The following LY6G5C variants were observed in gnomAD, a reference collection of about 807,000 sequenced individuals.
LY6G5C encodes lymphocyte antigen 6 family member G5C.
LY6G5C carries 6 observed loss-of-function variants against 10.5 expected under a neutral mutation model. That is an observed-to-expected ratio of 0.57 (90% CI 0.31 to 1.12). The LOEUF is 1.12. Among genes scored for constraint, LY6G5C ranks in the 50% most tolerant of loss-of-function variants. LY6G5C has a pLI of 0.05. For synonymous variants in LY6G5C, 69 were observed against 67.8 expected, an observed-to-expected ratio of 1.02 and a Z score of -0.09; for missense variants, 160 against 185.5, an observed-to-expected ratio of 0.86 and a Z score of 0.80.
In LY6G5C at chr6:31,679,091, G is replaced by A. The variant is rs771032043; in HGVS notation, c.289+10C>T. On this transcript the variant is annotated intron_variant, in intron 2 of 2. Coordinates refer to ENST00000383237, the Ensembl canonical transcript of LY6G5C. The surrounding 1 kb of genome is among the most constrained non-coding windows in gnomAD (Gnocchi z 4.4). ...GAGTGCTGGGCCCATGACAGGAGAA[G>A]GCCACTTACTGTTCTTTTTGTGGAG... is the stretch of plus-strand genomic sequence containing the variant. The A allele has an allele frequency of 1.3e-5, 21 of 1,612,876 alleles. No homozygotes were observed. Among genetic ancestry groups the A allele is most frequent in the Non-Finnish European group, 1.8e-5 (21 of 1,179,918 alleles).
chr6:31,677,010 A>G (rs1312366414), exon 3 of LY6G5C: 1 of 1,613,050 alleles, frequency 6.2e-7, no homozygotes, highest in Non-Finnish European at 8.5e-7. Context: ...TCCAGGAAGC[A>G]GTATTGAGAG....
upstream of LY6G5C, among the ~76,000 whole-genome samples, chr6:31,680,552 C>T (rs1253357463): frequency 6.6e-6 from 1 of 152,148 alleles, no homozygotes; most frequent in Non-Finnish European, 1.5e-5. This position sits in a 1 kb window ranked among gnomAD's most constrained non-coding sequence, Gnocchi z 4.5. Flanking sequence ...AGGGGACCAG[C>T]AATAGGGGAA....
exon 3 of LY6G5C, chr6:31,676,827 G>A (rs1160128842): frequency 8.5e-6 from 7 of 826,732 alleles, no homozygotes; most frequent in Non-Finnish European, 1.2e-5. Context: ...GCCAAGGCTG[G>A]GGTCCAGTGG....
Position 31,679,896 on chromosome 6 carries a change from A to C in LY6G5C, c.121+357T>G, listed in dbSNP as rs1313258773. On this transcript the variant is annotated intron_variant, in intron 1 of 2. Transcript: ENST00000383237. The surrounding 1 kb of genome is among the most constrained non-coding windows in gnomAD (Gnocchi z 4.4). ...ACCCCGTCTCTACTAAATATACAAA[A>C]ATTAGCTGGGCTTGGTGGCTTATGC... 9.5e-6 allele frequency: 2 copies of C among 209,808 alleles called. No individual in the cohort carries two copies. Among genetic ancestry groups the C allele is most frequent in the African/African-American group, 4.7e-5 (2 of 42,666 alleles). 13.0% of individuals were successfully genotyped at this position (209,808 alleles called of 1,614,324 possible).
At chr6:31,677,189 A>G in intron 2 of LY6G5C, 69 bp from the exon 3 acceptor site, 2 of 1,460,832 alleles carry the variant, frequency 1.4e-6, no homozygotes, top group Non-Finnish European at 1.9e-6. Flanking sequence ...TCTCATCCCC[A>G]CACTCATAAG....
rs552285546 is a variant in LY6G5C, at chr6:31,679,410, T to C, written c.122-142A>G. 4.2e-5 allele frequency: 36 copies of C among 855,360 alleles called. No individual in the cohort carries two copies. The South Asian group carries it at 5.5e-4, about 13-fold the overall frequency. The allele number at this position is 855,360 out of a possible 1,614,324, so 53.0% of individuals were successfully genotyped here. A position where few individuals can be genotyped will look rare whatever the true frequency, so the allele number is the denominator to read the frequency against. ...ATCAAAGCCCCAATTCTCTGCTTCC[T>C]TCCCCAACTGCATACACATACATCC... On this transcript the variant is annotated intron_variant, in intron 1 of 2. Transcript: ENST00000383237. The surrounding 1 kb of genome is among the most constrained non-coding windows in gnomAD (Gnocchi z 4.4).
chr6:31,676,858 C>T, exon 3 of LY6G5C: 3 of 1,189,836 alleles, frequency 2.5e-6, no homozygotes, highest in Non-Finnish European at 3.6e-6. Context: ...GCAAGGAGGG[C>T]TGGTATGAGG....
intron 2 of LY6G5C, among the ~76,000 whole-genome samples, chr6:31,677,512 A>C (rs1802647133): frequency 6.6e-6 from 1 of 152,194 alleles, no homozygotes; most frequent in Non-Finnish European, 1.5e-5. Flanking sequence ...AATAGAGAAA[A>C]ATCTTTGTGC....
Position 31,679,148 on chromosome 6 carries a change from C to T in LY6G5C, c.242G>A (p.Cys81Tyr). Residue 81 changes from cysteine (C) to tyrosine (Y), a missense_variant, in exon 2 of 3, where the codon TGC becomes TAC. Transcript: ENST00000383237. This position sits in a 1 kb window ranked among gnomAD's most constrained non-coding sequence, Gnocchi z 4.4. Reference sequence around the variant, plus strand: ...GCAGCTGCTGCCAGCTGGGGTGAGGCAGATGTCAGATCCCAGAAGGCACCC... The same window carrying T: ...GCAGCTGCTGCCAGCTGGGGTGAGGTAGATGTCAGATCCCAGAAGGCACCC... 1 of 1,612,954 alleles carries T rather than the reference C, an allele frequency of 6.2e-7. No homozygotes were observed. Among genetic ancestry groups the T allele is most frequent in the Non-Finnish European group, 8.5e-7 (1 of 1,180,004 alleles).
Position 31,679,710 on chromosome 6 carries a change from G to C in LY6G5C, c.122-442C>G, listed in dbSNP as rs1266364598. 1 of 221,712 alleles carries C rather than the reference G, an allele frequency of 4.5e-6. No homozygotes were observed. 13.7% of individuals were successfully genotyped at this position (221,712 alleles called of 1,614,324 possible). On this transcript the variant is annotated intron_variant, in intron 1 of 2. Transcript: ENST00000383237. The surrounding 1 kb of genome is among the most constrained non-coding windows in gnomAD (Gnocchi z 4.4). ...AGGATTCCTTCAGTATCTCTATTCA[G>C]GTCACTGCTGTGAAGTGAGACAGCC...
chr6:31,678,508 A>G (rs1802700888), intron 2 of LY6G5C, among the ~76,000 whole-genome samples: 2 of 152,236 alleles, frequency 1.3e-5, no homozygotes. Flanking sequence ...GGAGAAGAGC[A>G]ACACCAGCAG....
chr6:31,679,971 C>A lies in LY6G5C; in HGVS notation c.121+282G>T. 1 of 292,954 alleles carries A rather than the reference C, an allele frequency of 3.4e-6. No homozygotes were observed. The highest frequency in any genetic ancestry group is 4.1e-5 in the South Asian group (1 of 24,098). The allele number at this position is 292,954 out of a possible 1,614,324, so 18.1% of individuals were successfully genotyped here. A position where few individuals can be genotyped will look rare whatever the true frequency, so the allele number is the denominator to read the frequency against. On this transcript the variant is annotated intron_variant, in intron 1 of 2. Coordinates refer to ENST00000383237, the Ensembl canonical transcript of LY6G5C. The surrounding 1 kb of genome is among the most constrained non-coding windows in gnomAD (Gnocchi z 4.4). ...CTGAGGCATGAGAATCGCTTGAACC[C>A]GGGAGGTGGAGGTTGCAGTGAGCCG...
rs1184470129 is a variant in LY6G5C, at chr6:31,679,283, A to G, written c.122-15T>C. On this transcript the variant is annotated splice_polypyrimidine_tract_variant and intron_variant, in intron 1 of 2. Transcript: ENST00000383237. This position sits in a 1 kb window ranked among gnomAD's most constrained non-coding sequence, Gnocchi z 4.4. ...AACAAACTTACCTAGAACACAGAGA[A>G]GTGCTGACCCCACTCACACCCCATT... is the stretch of plus-strand genomic sequence containing the variant. The G allele has an allele frequency of 3.7e-6, 6 of 1,613,014 alleles. No individual in the cohort carries two copies. The highest frequency in any genetic ancestry group is 5.1e-6 in the Non-Finnish European group (6 of 1,179,962).
In LY6G5C at chr6:31,679,351, C is replaced by T. The variant is rs929861442; in HGVS notation, c.122-83G>A. 3.4e-5 allele frequency: 49 copies of T among 1,441,164 alleles called. No individual in the cohort carries two copies. Among genetic ancestry groups the T allele is most frequent in the Non-Finnish European group, 3.2e-5 (33 of 1,027,350 alleles). The allele number at this position is 1,441,164 out of a possible 1,614,324, so 89.3% of individuals were successfully genotyped here. On this transcript the variant is annotated intron_variant, in intron 1 of 2. Transcript: ENST00000383237. This position sits in a 1 kb window ranked among gnomAD's most constrained non-coding sequence, Gnocchi z 4.4. Reference sequence around the variant, plus strand: ...ACTGCCTGATTCCAGGCCACTCAGCCCCACTCCTCCCTCCCTTCCTGTCTC... The same window carrying T: ...ACTGCCTGATTCCAGGCCACTCAGCTCCACTCCTCCCTCCCTTCCTGTCTC...
rs1802765348 is a variant in LY6G5C, at chr6:31,679,471, T to A, written c.122-203A>T. The A allele has an allele frequency of 1.6e-6, 1 of 610,296 alleles. No homozygotes were observed. The highest frequency in any genetic ancestry group is 2.9e-6 in the Non-Finnish European group (1 of 344,464). The allele number at this position is 610,296 out of a possible 1,614,324, so 37.8% of individuals were successfully genotyped here. A position where few individuals can be genotyped will look rare whatever the true frequency, so the allele number is the denominator to read the frequency against. On this transcript the variant is annotated intron_variant, in intron 1 of 2. Transcript: ENST00000383237. The surrounding 1 kb of genome is among the most constrained non-coding windows in gnomAD (Gnocchi z 4.4). ...CTGGTCCTAAGGCCAGACCACATGT[T>A]AACAAATCCCCAGACCCAGCAGAGC...
chr6:31,677,606 T>C (rs536775212), intron 2 of LY6G5C, among the ~76,000 whole-genome samples: 6 of 152,224 alleles, frequency 3.9e-5, no homozygotes, highest in African/African-American at 1.4e-4. Flanking sequence ...AATAGTGGGA[T>C]GGGGAAATCA....
intron 2 of LY6G5C, among the ~76,000 whole-genome samples, chr6:31,678,261 C>T (rs1028234815): frequency 2.0e-5 from 3 of 152,078 alleles, no homozygotes; most frequent in South Asian, 2.1e-4. Flanking sequence ...CAATTTTCAG[C>T]GAGGGAGATG....
Position 31,679,035 on chromosome 6 carries a change from C to T in LY6G5C, c.289+66G>A. 4 of 1,531,734 alleles carry T rather than the reference C, an allele frequency of 2.6e-6. No individual in the cohort carries two copies. Among genetic ancestry groups the T allele is most frequent in the Admixed American group, 1.7e-5 (1 of 59,670 alleles). The allele number at this position is 1,531,734 out of a possible 1,614,324, so 94.9% of individuals were successfully genotyped here. A position where few individuals can be genotyped will look rare whatever the true frequency, so the allele number is the denominator to read the frequency against. ...TATGGGAACAAGACTTGGGGTGCAG[C>T]TTAGGAGGCTGAGAGAGTTTCCGTT... On this transcript the variant is annotated intron_variant, in intron 2 of 2. Transcript: ENST00000383237. The surrounding 1 kb of genome is among the most constrained non-coding windows in gnomAD (Gnocchi z 4.4).
At position 31,679,244 on chromosome 6, in the gene LY6G5C, T is replaced by A; in HGVS notation, c.146A>T (p.Glu49Val). The A allele has an allele frequency of 1.9e-6, 3 of 1,612,738 alleles. No individual in the cohort carries two copies. In the Middle Eastern group the frequency reaches 4.9e-4, roughly 266 times the overall value. Residue 49 changes from glutamate to valine, a missense_variant, in exon 2 of 3, where the codon GAA (glutamate) becomes GTA (valine). Physicochemically the swap from Glu to Val is moderately radical, Grantham distance 121. Transcript: ENST00000383237. The surrounding 1 kb of genome is among the most constrained non-coding windows in gnomAD (Gnocchi z 4.4). ...GGGGAATGGAAGTGGTTGAGGGGGTTCCCAATTGACAGGAACAAACTTACC... is the reference window on the plus strand; with the variant it reads ...GGGGAATGGAAGTGGTTGAGGGGGTACCCAATTGACAGGAACAAACTTACC...
Sources: allele counts gnomAD v4.1 joint callset (sites outside exome capture counted in the v4.1 genomes callset), GRCh38; gene constraint gnomAD v4.1.1; non-coding constraint Gnocchi (gnomAD v3.1); transcripts MANE v1.5; gene names NCBI Gene and HGNC (gene_info 2026-07-23, HGNC 2026-07-21).